The following TMEM131L variants were observed in gnomAD, a reference collection of about 807,000 sequenced individuals.
TMEM131L encodes the protein transmembrane protein 131-like.
In TMEM131L, 54 loss-of-function variants were observed where a neutral mutation model predicts 192.2. That is an observed-to-expected ratio of 0.28 (90% CI 0.23 to 0.35). The LOEUF is 0.35. Ranked by LOEUF, TMEM131L falls within the 10% of genes least tolerant of loss-of-function variation. TMEM131L has a pLI of 1.00. For synonymous variants in TMEM131L, 701 were observed against 704.9 expected (o/e 0.99, Z 0.09); for missense variants, 1,888 against 1,972.9 (o/e 0.96, Z 0.82).
At chr4:153,635,125 A>G (rs1734480178) in intron 33 of TMEM131L, among the ~76,000 whole-genome samples, 1 of 152,194 alleles carries the variant, frequency 6.6e-6, no homozygotes, top group Non-Finnish European at 1.5e-5. Context: ...CCTTGACACT[A>G]TTTAGATATC....
intron 4 of TMEM131L, among the ~76,000 whole-genome samples, chr4:153,552,480 C>G (rs751994129): frequency 6.6e-6 from 1 of 152,062 alleles, no homozygotes; most frequent in Non-Finnish European, 1.5e-5. Context: ...ATACCAAAAG[C>G]TAAGGATGCT....
At chr4:153,514,958 C>G (rs1222960793) in intron 3 of TMEM131L, among the ~76,000 whole-genome samples, 1 of 151,566 alleles carries the variant, frequency 6.6e-6, no homozygotes, top group African/African-American at 2.4e-5. Context: ...ATTATAGGCG[C>G]CTGCCACCAC....
chr4:153,602,532 T>C lies in TMEM131L; in HGVS notation c.2454-10T>C. 2 of 1,613,156 alleles carry C rather than the reference T, an allele frequency of 1.2e-6. No individual in the cohort carries two copies. Among genetic ancestry groups the C allele is most frequent in the Non-Finnish European group, 8.5e-7 (1 of 1,179,520 alleles). ...TTAAAAGTTCATAAAGATGACTCTTTTATTTTCAGGTTCACTCCAGACTTT... is the reference window on the plus strand; with the variant it reads ...TTAAAAGTTCATAAAGATGACTCTTCTATTTTCAGGTTCACTCCAGACTTT... On this transcript the variant is annotated splice_polypyrimidine_tract_variant and intron_variant, in intron 22 of 34. Coordinates refer to ENST00000409959, the MANE Select transcript of TMEM131L (RefSeq NM_001131007.2).
chr4:153,629,192 C>T (rs115960671), intron 31 of TMEM131L, among the ~76,000 whole-genome samples: 8 of 152,288 alleles, frequency 5.3e-5, no homozygotes, highest in African/African-American at 1.4e-4. Context: ...TGTGTCCTCC[C>T]GCCCTGCCCC....
chr4:153,596,130 G>C, intron 19 of TMEM131L, 128 bp from the exon 20 acceptor site: 1 of 1,087,896 alleles, frequency 9.2e-7, no homozygotes, highest in South Asian at 1.5e-5. Context: ...AGTTCTAACA[G>C]GTTGATTAGG....
chr4:153,563,354 G>C (rs1404940701), intron 7 of TMEM131L, among the ~76,000 whole-genome samples: 1 of 151,832 alleles, frequency 6.6e-6, no homozygotes, highest in African/African-American at 2.4e-5. Context: ...TTGAAATTTG[G>C]GTTGCCAGAA....
chr4:153,558,805 C>G (rs1177536454), intron 7 of TMEM131L: 4 of 152,724 alleles, frequency 2.6e-5, no homozygotes, highest in Non-Finnish European at 5.8e-5. Flanking sequence ...AATAACAGGC[C>G]CCTAAGGATG....
chr4:153,516,504 A>G (rs2150113437), intron 3 of TMEM131L, among the ~76,000 whole-genome samples: 1 of 152,342 alleles, frequency 6.6e-6, no homozygotes, highest in South Asian at 2.1e-4. Flanking sequence ...TGCTGGGATT[A>G]CAGATGTGAG....
chr4:153,603,220 T>C, intron 23 of TMEM131L, 83 bp from the exon 24 acceptor site: 1 of 1,180,282 alleles, frequency 8.5e-7, no homozygotes. Flanking sequence ...CGTAAATCAT[T>C]CCCCACTCTT....
At position 153,610,676 on chromosome 4, in the gene TMEM131L, C is replaced by G. The variant is rs769923751; in HGVS notation, c.3419-1576C>G. On this transcript the variant is annotated intron_variant, in intron 25 of 34. Transcript: ENST00000409959. The stretch of plus-strand genomic sequence containing the variant: ...AGTGTTATTTGAAAACTTTATGTAT[C>G]TTGCTTTGAGTGAGTTTAATTTGTA... Among the ~76,000 whole-genome samples the G allele has an allele frequency of 2.6e-5, 4 of 152,236 alleles. No homozygotes were observed. The South Asian group carries it at 8.3e-4, about 32-fold the overall frequency.
At chr4:153,511,566 C>G (rs898235480) in intron 3 of TMEM131L, among the ~76,000 whole-genome samples, 2 of 152,014 alleles carry the variant, frequency 1.3e-5, no homozygotes, top group Non-Finnish European at 2.9e-5. Flanking sequence ...TATATCGAAC[C>G]CCCATGACAC....
In TMEM131L at chr4:153,585,603, A is replaced by G. The variant is rs1275234451; in HGVS notation, c.1303A>G (p.Met435Val). Residue 435 changes from methionine to valine, a missense_variant, in exon 13 of 35, where the codon ATG (methionine) becomes GTG (valine). Transcript: ENST00000409959. ...GTTTCTTTCCAAGGAGACCAAGCACATGTTAAAGGTACATATAGTATTTTT... is the reference window on the plus strand; with the variant it reads ...GTTTCTTTCCAAGGAGACCAAGCACGTGTTAAAGGTACATATAGTATTTTT... ...DVFLSKETKH[M>V]LKILNFTGPL... The G allele has an allele frequency of 7.4e-6, 12 of 1,612,438 alleles. No homozygotes were observed. Among genetic ancestry groups the G allele is most frequent in the Non-Finnish European group, 9.3e-6 (11 of 1,179,200 alleles).
chr4:153,587,867 A>G, intron 15 of TMEM131L, 56 bp downstream of exon 15: 1 of 1,204,782 alleles, frequency 8.3e-7, no homozygotes. Context: ...GATGGGAAAT[A>G]GTGAGGAAAA....
intron 7 of TMEM131L, among the ~76,000 whole-genome samples, chr4:153,567,127 C>T (rs547803416): frequency 1.3e-5 from 2 of 152,180 alleles, no homozygotes; most frequent in South Asian, 2.1e-4. Context: ...AGGAGGAGAA[C>T]GTGGAAAGCC....
At chr4:153,541,221 A>C (rs915500675) in intron 3 of TMEM131L, among the ~76,000 whole-genome samples, 1 of 152,226 alleles carries the variant, frequency 6.6e-6, no homozygotes, top group Non-Finnish European at 1.5e-5. Flanking sequence ...TTGCTGGCCT[A>C]TTCTTTAATA....
At chr4:153,580,108 T>G (rs1730231531) in intron 7 of TMEM131L, among the ~76,000 whole-genome samples, 1 of 152,016 alleles carries the variant, frequency 6.6e-6, no homozygotes, top group East Asian at 1.9e-4. Context: ...CATACTGCAC[T>G]GAGTAACTTT....
chr4:153,540,077 C>T (rs1193270387), intron 3 of TMEM131L, among the ~76,000 whole-genome samples: 2 of 151,818 alleles, frequency 1.3e-5, no homozygotes, highest in African/African-American at 4.8e-5. Flanking sequence ...CGCCACTGCC[C>T]TCCAGCCTGG....
At chr4:153,485,925 G>A (rs767288452) in intron 3 of TMEM131L, among the ~76,000 whole-genome samples, 1 of 152,156 alleles carries the variant, frequency 6.6e-6, no homozygotes, top group Non-Finnish European at 1.5e-5. Context: ...GGTTCATCAA[G>A]GTAAAACAAT....
chr4:153,566,205 G>A (rs1729179793), intron 7 of TMEM131L, among the ~76,000 whole-genome samples: 1 of 151,056 alleles, frequency 6.6e-6, no homozygotes, highest in African/African-American at 2.4e-5. Flanking sequence ...GCGCAATCTC[G>A]GCTCACTGCA....
Sources: gnomAD v4.1 joint callset for allele counts (sites outside exome capture counted in the v4.1 genomes callset) on GRCh38, gnomAD v4.1.1 for gene constraint, MANE v1.5 for transcripts, NCBI Gene and HGNC (gene_info 2026-07-23, HGNC 2026-07-21) for gene names.